Variants in HIKESHI observed in about 807,000 individuals in gnomAD.
HIKESHI encodes the protein protein Hikeshi.
In HIKESHI, 13 loss-of-function variants were observed where a neutral mutation model predicts 25.7. The observed-to-expected ratio is 0.51, with a 90% confidence interval of 0.33 to 0.80. HIKESHI has a LOEUF of 0.80. HIKESHI is among the 30% of genes least tolerant of loss of function. HIKESHI has a pLI of 0.02. For missense variants in HIKESHI, 174 were observed against 229.5 expected (o/e 0.76, Z 1.56); for synonymous variants, 76 against 78.7 (o/e 0.97, Z 0.18).
At chr11:86,343,634 C>G (rs1205413774) in intron 3 of HIKESHI, 1 of 152,114 alleles carries the variant, frequency 6.6e-6, no homozygotes, top group Admixed American at 6.6e-5. Context: ...GACCCTGTCT[C>G]AAAAACAAAC....
chr11:86,308,229 ATATAT>A (rs1946723522), intron 2 of HIKESHI, among the ~76,000 whole-genome samples: 6 of 139,132 alleles, frequency 4.3e-5, no homozygotes, highest in Non-Finnish European at 6.0e-5. Context: ...TACATATAAA[ATATAT>A]ATTATATATA....
chr11:86,341,093 C>A (rs1947712932), intron 3 of HIKESHI, among the ~76,000 whole-genome samples: 1 of 152,136 alleles, frequency 6.6e-6, no homozygotes, highest in Admixed American at 6.5e-5. Flanking sequence ...TCAGAAAAAA[C>A]CTTGCTTAAA....
intron 3 of HIKESHI, among the ~76,000 whole-genome samples, chr11:86,338,213 T>C (rs1458269664): frequency 6.6e-6 from 1 of 152,180 alleles, no homozygotes; most frequent in African/African-American, 2.4e-5. Flanking sequence ...GCAACCATCA[T>C]TCTACTGTCT....
At chr11:86,339,394 A>C (rs1430441509) in intron 3 of HIKESHI, among the ~76,000 whole-genome samples, 1 of 152,212 alleles carries the variant, frequency 6.6e-6, no homozygotes, top group Non-Finnish European at 1.5e-5. Flanking sequence ...AGGTCCACAA[A>C]ATAGAATAAC....
At chr11:86,335,689 A>C (rs556622175) in intron 2 of HIKESHI, among the ~76,000 whole-genome samples, 7 of 152,338 alleles carry the variant, frequency 4.6e-5, no homozygotes, top group African/African-American at 1.7e-4. Flanking sequence ...CAGACTACTA[A>C]CTAATGGAAC....
intron 2 of HIKESHI, among the ~76,000 whole-genome samples, chr11:86,315,034 C>T (rs1946937877): frequency 6.6e-6 from 1 of 152,200 alleles, no homozygotes; most frequent in Non-Finnish European, 1.5e-5. Context: ...AGTATTTGAA[C>T]AATCTTTGGG....
chr11:86,345,575 CT>C lies in HIKESHI; in HGVS notation c.540-5del, dbSNP rs753865329. ...TTGTGAATGTAAATATATGTGTTTT[CT>C]TTTCTAGGTATGAAAACTTTCAAAG... is the stretch of plus-strand genomic sequence containing the variant. On this transcript the variant is annotated splice_region_variant and splice_polypyrimidine_tract_variant and intron_variant, in intron 4 of 4. Transcript: ENST00000278483. 1 of 1,512,460 alleles carries C rather than the reference CT, an allele frequency of 6.6e-7. No homozygotes were observed. Among genetic ancestry groups the C allele is most frequent in the South Asian group, 1.2e-5 (1 of 83,072 alleles). 93.7% of individuals were successfully genotyped at this position (1,512,460 alleles called of 1,614,324 possible).
intron 1 of HIKESHI, among the ~76,000 whole-genome samples, chr11:86,302,686 T>C (rs1353589431): frequency 6.6e-6 from 1 of 152,248 alleles, no homozygotes; most frequent in Non-Finnish European, 1.5e-5. Flanking sequence ...CAGTATAAGT[T>C]GGCATTTATT....
chr11:86,317,475 C>T (rs1947018295), intron 2 of HIKESHI, among the ~76,000 whole-genome samples: 1 of 152,136 alleles, frequency 6.6e-6, no homozygotes. Context: ...AAATCTGGTT[C>T]TTTGAAAAGA....
chr11:86,319,360 C>T (rs1383315522), intron 2 of HIKESHI, among the ~76,000 whole-genome samples: 1 of 150,640 alleles, frequency 6.6e-6, no homozygotes, highest in Non-Finnish European at 1.5e-5. Context: ...ACCTCAGCCT[C>T]CCGAGGAGCT....
intron 1 of HIKESHI, among the ~76,000 whole-genome samples, chr11:86,305,702 T>G (rs528646174): frequency 1.3e-5 from 2 of 152,208 alleles, no homozygotes; most frequent in East Asian, 1.9e-4. Context: ...GTAAGTAAAA[T>G]CCTTTCAGGG....
chr11:86,332,089 T>G (rs1460299547), intron 2 of HIKESHI, among the ~76,000 whole-genome samples: 1 of 151,234 alleles, frequency 6.6e-6, no homozygotes, highest in Non-Finnish European at 1.5e-5. Context: ...GCCTCCCGAG[T>G]AGCTGGGACT....
At chr11:86,320,896 G>A (rs529202009) in intron 2 of HIKESHI, among the ~76,000 whole-genome samples, 16 of 152,064 alleles carry the variant, frequency 1.1e-4, no homozygotes, top group Admixed American at 2.6e-4. Flanking sequence ...TATTTTTACA[G>A]TCATTCATGT....
At chr11:86,336,909 G>A (rs1254313387) in intron 2 of HIKESHI, among the ~76,000 whole-genome samples, 2 of 151,876 alleles carry the variant, frequency 1.3e-5, no homozygotes, top group Non-Finnish European at 2.9e-5. Context: ...CTTCTAGACG[G>A]TAGTGGATTG....
At chr11:86,312,689 CT>C in intron 2 of HIKESHI, among the ~76,000 whole-genome samples, 1 of 152,280 alleles carries the variant, frequency 6.6e-6, no homozygotes, top group Middle Eastern at 3.4e-3. Context: ...TTTGCAGTGG[CT>C]GGTACTGGTT....
rs1349379510 is a variant in HIKESHI at position 86,309,145 on chromosome 11, A to G, written c.268+2663A>G. On this transcript the variant is annotated intron_variant, in intron 2 of 4. Coordinates refer to ENST00000278483, the MANE Select transcript of HIKESHI (RefSeq NM_016401.4). ...TTCTAGATCCTTGAGGAATCACCACACTGTCTTCCACAATGGTTGAACTAG... is the reference window on the plus strand; with the variant it reads ...TTCTAGATCCTTGAGGAATCACCACGCTGTCTTCCACAATGGTTGAACTAG... Among the ~76,000 whole-genome samples the G allele has an allele frequency of 7.2e-5, 11 of 152,264 alleles. No homozygotes were observed. The South Asian group carries it at 1.9e-3, about 26-fold the overall frequency.
intron 3 of HIKESHI, among the ~76,000 whole-genome samples, chr11:86,340,798 C>T (rs986278464): frequency 1.3e-5 from 2 of 152,066 alleles, no homozygotes; most frequent in Non-Finnish European, 2.9e-5. Flanking sequence ...GCGCGTGCCA[C>T]CAGGCCTGGC....
At chr11:86,325,037 G>A (rs1030420474) in intron 2 of HIKESHI, among the ~76,000 whole-genome samples, 1 of 152,014 alleles carries the variant, frequency 6.6e-6, no homozygotes, top group African/African-American at 2.4e-5. Flanking sequence ...AACTTAGCCA[G>A]GCATGGTGGT....
At chr11:86,323,710 C>A (rs1422396082) in intron 2 of HIKESHI, among the ~76,000 whole-genome samples, 1 of 152,156 alleles carries the variant, frequency 6.6e-6, no homozygotes, top group African/African-American at 2.4e-5. Flanking sequence ...TCTTGTGACA[C>A]GTAAGAGATT....
Sources: allele counts gnomAD v4.1 joint callset (sites outside exome capture counted in the v4.1 genomes callset), GRCh38; gene constraint gnomAD v4.1.1; transcripts MANE v1.5; gene names NCBI Gene and HGNC (gene_info 2026-07-23, HGNC 2026-07-21).